The following TMEM150A variants were observed in gnomAD, a reference collection of about 807,000 sequenced individuals.
The protein encoded by TMEM150A is transmembrane protein 150A, also known as fasting-inducible integral membrane protein TM6P1.
A neutral mutation model predicts 29.8 loss-of-function variants in TMEM150A; 18 were observed. The observed-to-expected ratio is 0.60, with a 90% CI of 0.42 to 0.90. TMEM150A has a LOEUF of 0.90. Among genes scored for constraint, TMEM150A ranks in the 40% least tolerant of loss-of-function variants. The probability of loss-of-function intolerance (pLI) is 0.00; values close to 1 mark genes in which losing one functional copy is unlikely to be tolerated. For missense variants in TMEM150A, 251 were observed against 349.7 expected (o/e 0.72, Z 2.25); for synonymous variants, 127 against 143.6 (o/e 0.88, Z 0.83).
intron 4 of TMEM150A, 48 bp downstream of exon 4, chr2:85,600,973 C>A: frequency 6.4e-7 from 1 of 1,572,844 alleles, no homozygotes; most frequent in South Asian, 1.1e-5. Context: ...GAGGGGCTGT[C>A]TGGGAGGCCC....
chr2:85,600,932 G>T (rs1292444324), intron 4 of TMEM150A, 89 bp downstream of exon 4: 5 of 1,243,132 alleles, frequency 4.0e-6, no homozygotes, highest in Non-Finnish European at 5.7e-6. Flanking sequence ...GATACTTATT[G>T]TTCCTGAGAC....
chr2:85,599,097 G>A lies in TMEM150A; in HGVS notation c.795C>T (p.Pro265=), dbSNP rs1394416426. Residue 265 remains proline (P), a synonymous_variant, in exon 8 of 8, where the codon CCC becomes CCT. Coordinates refer to ENST00000334462, the MANE Select transcript of TMEM150A (RefSeq NM_001031738.3). This position sits in a 1 kb window ranked among gnomAD's most constrained non-coding sequence, Gnocchi z 6.0. ...SSTSTHLNCA[P]ESIAMI ...GACCTTAGATCATAGCGATGCTCTC[G>A]GGGGCACAGTTGAGGTGGGTGGAGG... The A allele has an allele frequency of 1.1e-5, 17 of 1,613,560 alleles. No individual in the cohort carries two copies. The highest frequency in any genetic ancestry group is 1.4e-5 in the Non-Finnish European group (16 of 1,180,012).
intron 4 of TMEM150A, 155 bp downstream of exon 4, chr2:85,600,866 C>T (rs1416352045): frequency 1.5e-6 from 1 of 649,886 alleles, no homozygotes; most frequent in Non-Finnish European, 2.6e-6. Flanking sequence ...AAGCACTCAG[C>T]AGAGTGCCTG....
In TMEM150A at chr2:85,598,896, C is replaced by T. The variant is rs1207481933; in HGVS notation, c.*180G>A. 2.3e-6 allele frequency: 2 copies of T among 883,312 alleles called. No individual in the cohort carries two copies. Among genetic ancestry groups the T allele is most frequent in the South Asian group, 1.8e-5 (1 of 55,592 alleles). The allele number at this position is 883,312 out of a possible 1,614,324, so 54.7% of individuals were successfully genotyped here. A position where few individuals can be genotyped will look rare whatever the true frequency, so the allele number is the denominator to read the frequency against. On this transcript the variant is annotated 3_prime_UTR_variant, in exon 8 of 8. Transcript: ENST00000334462. Reference sequence around the variant, plus strand: ...GGGGAAGCAGGTCATGCAGCTGTGGCAGCTGGCAGGGCCCACTCCTCCATG... The same window carrying T: ...GGGGAAGCAGGTCATGCAGCTGTGGTAGCTGGCAGGGCCCACTCCTCCATG...
rs1673032036 is a variant in TMEM150A at position 85,602,499 on chromosome 2, C to G, written c.-117+108G>C. Reference sequence around the variant, plus strand: ...CCCCCGCTCGCCTGGGCGCGGGGACCCCGGCTGGGGCCGGACCCTGCGGCC... The same window carrying G: ...CCCCCGCTCGCCTGGGCGCGGGGACGCCGGCTGGGGCCGGACCCTGCGGCC... On this transcript the variant is annotated intron_variant, in intron 1 of 7. Transcript: ENST00000334462. The surrounding 1 kb of genome is among the most constrained non-coding windows in gnomAD (Gnocchi z 5.6). The G allele has an allele frequency of 1.3e-5, 2 of 151,940 alleles. No homozygotes were observed. Among genetic ancestry groups the G allele is most frequent in the Admixed American group, 1.3e-4 (2 of 15,260 alleles). The allele number at this position is 151,940 out of a possible 1,614,324, so 9.4% of individuals were successfully genotyped here.
chr2:85,600,403 G>A lies in TMEM150A; in HGVS notation c.210C>T (p.Gly70=). Residue 70 remains glycine (G), a synonymous_variant, in exon 5 of 8, where the codon GGC becomes GGT. Transcript: ENST00000334462. The part of the protein sequence containing the change: ...LDDVPLISKC[G]SYPPESCLFS... The stretch of plus-strand genomic sequence containing the variant: ...AGAGGCAGCTTTCTGGGGGATAGGA[G>A]CCACACTTGCTGCGAGGAGGGGGAA... The A allele has an allele frequency of 6.2e-7, 1 of 1,613,982 alleles. No individual in the cohort carries two copies. The highest frequency in any genetic ancestry group is 8.5e-7 in the Non-Finnish European group (1 of 1,179,986).
chr2:85,600,581 C>G, intron 4 of TMEM150A, 169 bp from the exon 5 acceptor site: 1 of 626,484 alleles, frequency 1.6e-6, no homozygotes, highest in Non-Finnish European at 2.9e-6. Flanking sequence ...CCAGGCTGGG[C>G]CCCCAAAGCA....
chr2:85,602,069 T>A lies in TMEM150A; in HGVS notation c.-116-5A>T. The A allele has an allele frequency of 1.2e-6, 1 of 868,396 alleles. No homozygotes were observed. The highest frequency in any genetic ancestry group is 1.9e-6 in the Non-Finnish European group (1 of 524,216). The allele number at this position is 868,396 out of a possible 1,614,324, so 53.8% of individuals were successfully genotyped here. ...ACAACCATCAGCTGTCCTGGCCTGG[T>A]GGAGAGAGATCAAAGTCCAGGAGTG... On this transcript the variant is annotated splice_region_variant and splice_polypyrimidine_tract_variant and intron_variant, in intron 1 of 7. Transcript: ENST00000334462. This position sits in a 1 kb window ranked among gnomAD's most constrained non-coding sequence, Gnocchi z 5.6.
Position 85,601,785 on chromosome 2 carries a change from C to G in TMEM150A, c.65+99G>C. The G allele has an allele frequency of 7.1e-7, 1 of 1,413,980 alleles. No individual in the cohort carries two copies. The highest frequency in any genetic ancestry group is 9.9e-7 in the Non-Finnish European group (1 of 1,013,642). The allele number at this position is 1,413,980 out of a possible 1,614,324, so 87.6% of individuals were successfully genotyped here. A position where few individuals can be genotyped will look rare whatever the true frequency, so the allele number is the denominator to read the frequency against. ...GCACCAAGTCAGGCTTTTGAGACAC[C>G]CAGAGTGACCCTGGGTACCACCGTG... On this transcript the variant is annotated intron_variant, in intron 2 of 7. Transcript: ENST00000334462. This position sits in a 1 kb window ranked among gnomAD's most constrained non-coding sequence, Gnocchi z 4.0.
Position 85,601,518 on chromosome 2 carries a change from C to G in TMEM150A, c.66-36G>C, listed in dbSNP as rs375934037. 2 of 1,604,154 alleles carry G rather than the reference C, an allele frequency of 1.2e-6. No individual in the cohort carries two copies. Among genetic ancestry groups the G allele is most frequent in the South Asian group, 2.2e-5 (2 of 90,754 alleles). ...AGAACTGTCACCCTGGCAGCCTTCC[C>G]GAGCCCCACTCAACCCACCCCATGA... On this transcript the variant is annotated intron_variant, in intron 2 of 7. Coordinates refer to ENST00000334462, the MANE Select transcript of TMEM150A (RefSeq NM_001031738.3). This position sits in a 1 kb window ranked among gnomAD's most constrained non-coding sequence, Gnocchi z 4.0.
Position 85,601,627 on chromosome 2 carries a change from T to C in TMEM150A, c.66-145A>G. Reference sequence around the variant, plus strand: ...TCAAGTTGAGGTCCCTAAGGCTTGATGCCACACCAGCACCTGCAGCATGCC... The same window carrying C: ...TCAAGTTGAGGTCCCTAAGGCTTGACGCCACACCAGCACCTGCAGCATGCC... On this transcript the variant is annotated intron_variant, in intron 2 of 7. Coordinates refer to ENST00000334462, the MANE Select transcript of TMEM150A (RefSeq NM_001031738.3). The surrounding 1 kb of genome is among the most constrained non-coding windows in gnomAD (Gnocchi z 4.0). 1 of 937,572 alleles carries C rather than the reference T, an allele frequency of 1.1e-6. No individual in the cohort carries two copies. Among genetic ancestry groups the C allele is most frequent in the South Asian group, 1.6e-5 (1 of 64,142 alleles). The allele number at this position is 937,572 out of a possible 1,614,324, so 58.1% of individuals were successfully genotyped here. A position where few individuals can be genotyped will look rare whatever the true frequency, so the allele number is the denominator to read the frequency against.
chr2:85,600,706 C>T, intron 4 of TMEM150A: 1 of 549,646 alleles, frequency 1.8e-6, no homozygotes, highest in Non-Finnish European at 3.2e-6. Flanking sequence ...ACGGGCTGGG[C>T]AATCTGAGGG....
rs762121568 is a variant in TMEM150A, at chr2:85,599,295, C to G, written c.597G>C (p.Glu199Asp). 2 of 1,614,084 alleles carry G rather than the reference C, an allele frequency of 1.2e-6. No individual in the cohort carries two copies. The highest frequency in any genetic ancestry group is 1.7e-6 in the Non-Finnish European group (2 of 1,179,996). ...CTGCCCCATGTTGCAGCTGAGAACT[C>G]TCATGGACAAAGAAGACTCCACCTA... ...LVLSGVFFVH[E>D]SSQLQHGAAL... The change falls in exon 8 of 8, where the codon GAG (glutamate) becomes GAC (aspartate). Residue 199 changes from glutamate to aspartate, a missense_variant. Glu to Asp is a conservative substitution (Grantham distance 45). Transcript: ENST00000334462. This position sits in a 1 kb window ranked among gnomAD's most constrained non-coding sequence, Gnocchi z 6.0.
chr2:85,602,147 T>G lies in TMEM150A; in HGVS notation c.-116-83A>C. 3.7e-6 allele frequency: 2 copies of G among 535,026 alleles called. No individual in the cohort carries two copies. The highest frequency in any genetic ancestry group is 6.9e-6 in the Non-Finnish European group (2 of 291,936). The allele number at this position is 535,026 out of a possible 1,614,324, so 33.1% of individuals were successfully genotyped here. The stretch of plus-strand genomic sequence containing the variant: ...AGGGGGTCAACACCTTATCCAGCGC[T>G]CCCGTTGGGTCTCTGAGCGTCCAAA... On this transcript the variant is annotated intron_variant, in intron 1 of 7. Transcript: ENST00000334462. The surrounding 1 kb of genome is among the most constrained non-coding windows in gnomAD (Gnocchi z 5.6).
Position 85,602,059 on chromosome 2 carries a change from C to T in TMEM150A, c.-111G>A. On this transcript the variant is annotated 5_prime_UTR_variant, in exon 2 of 8. Coordinates refer to ENST00000334462, the MANE Select transcript of TMEM150A (RefSeq NM_001031738.3). The surrounding 1 kb of genome is among the most constrained non-coding windows in gnomAD (Gnocchi z 5.6). ...TGTTTCTGCCACAACCATCAGCTGT[C>T]CTGGCCTGGTGGAGAGAGATCAAAG... The T allele has an allele frequency of 1.0e-6, 1 of 970,846 alleles. No individual in the cohort carries two copies. The highest frequency in any genetic ancestry group is 2.4e-5 in the East Asian group (1 of 41,504). The allele number at this position is 970,846 out of a possible 1,614,324, so 60.1% of individuals were successfully genotyped here.
chr2:85,600,574 G>C (rs1672876989), intron 4 of TMEM150A, 162 bp from the exon 5 acceptor site: 1 of 634,174 alleles, frequency 1.6e-6, no homozygotes, highest in Non-Finnish European at 2.9e-6. Flanking sequence ...ACTGGTTCCA[G>C]GCTGGGCCCC....
chr2:85,598,840 G>T lies in TMEM150A; in HGVS notation c.*236C>A. 1.8e-6 allele frequency: 1 copy of T among 562,658 alleles called. No individual in the cohort carries two copies. The highest frequency in any genetic ancestry group is 3.1e-6 in the Non-Finnish European group (1 of 324,540). 34.9% of individuals were successfully genotyped at this position (562,658 alleles called of 1,614,324 possible). Reference sequence around the variant, plus strand: ...GCTGGCTGGGTGAGTGAGGACAGGTGACCTTTAAAAACAAAACGACACCGT... The same window carrying T: ...GCTGGCTGGGTGAGTGAGGACAGGTTACCTTTAAAAACAAAACGACACCGT... On this transcript the variant is annotated 3_prime_UTR_variant, in exon 8 of 8. Coordinates refer to ENST00000334462, the MANE Select transcript of TMEM150A (RefSeq NM_001031738.3).
Position 85,599,871 on chromosome 2 carries a change from C to A in TMEM150A, c.396+20G>T, listed in dbSNP as rs762506966. Reference sequence around the variant, plus strand: ...CTTGTTAGGTAAAGTTTAAGGTTTGCAGGGGAGAAGGGGAAGCACCTGAAA... The same window carrying A: ...CTTGTTAGGTAAAGTTTAAGGTTTGAAGGGGAGAAGGGGAAGCACCTGAAA... On this transcript the variant is annotated intron_variant, in intron 6 of 7. Transcript: ENST00000334462. The surrounding 1 kb of genome is among the most constrained non-coding windows in gnomAD (Gnocchi z 6.0). The A allele has an allele frequency of 6.2e-7, 1 of 1,613,098 alleles. No homozygotes were observed. The highest frequency in any genetic ancestry group is 8.5e-7 in the Non-Finnish European group (1 of 1,180,012).
Position 85,601,391 on chromosome 2 carries a change from T to A in TMEM150A, c.113+44A>T. On this transcript the variant is annotated intron_variant, in intron 3 of 7. Transcript: ENST00000334462. This position sits in a 1 kb window ranked among gnomAD's most constrained non-coding sequence, Gnocchi z 4.0. ...CCTCAGGCCCAAGAGGGGACAGAGA[T>A]GAAGGAAGCTTTAGAGCAAGGTTGT... is the stretch of plus-strand genomic sequence containing the variant. 3 of 1,612,098 alleles carry A rather than the reference T, an allele frequency of 1.9e-6. No individual in the cohort carries two copies. Among genetic ancestry groups the A allele is most frequent in the Non-Finnish European group, 2.5e-6 (3 of 1,178,302 alleles).
Sources: allele counts gnomAD v4.1 joint callset, GRCh38; gene constraint gnomAD v4.1.1; non-coding constraint Gnocchi (gnomAD v3.1); transcripts MANE v1.5; gene names NCBI Gene and HGNC (gene_info 2026-07-23, HGNC 2026-07-21).